The following TNRC6C variants were observed in gnomAD, a reference collection of about 807,000 sequenced individuals.
TNRC6C encodes trinucleotide repeat containing adaptor 6C.
In TNRC6C, 20 loss-of-function variants were observed where a neutral mutation model predicts 153.7. That is an observed-to-expected ratio of 0.13 (90% CI 0.09 to 0.19). The LOEUF (loss-of-function observed/expected upper bound fraction) is 0.19, where lower values mean the gene tolerates loss of function less well. TNRC6C is among the 10% of genes least tolerant of loss of function. The pLI is 1.00. For synonymous variants in TNRC6C, 811 were observed against 841.4 expected (o/e 0.96, Z 0.63); for missense variants, 1,987 against 2,172.0 (o/e 0.91, Z 1.69).
At chr17:77,974,063 GGAGA>G (rs548748635) in intron 1 of TNRC6C, among the ~76,000 whole-genome samples, 4 of 147,458 alleles carry the variant, frequency 2.7e-5, no homozygotes, top group Admixed American at 6.9e-5. Context: ...GGGGGAGGGG[GGAGA>G]GAGAGAGAGA....
exon 20 of TNRC6C, chr17:78,106,523 A>T (rs1438574963): frequency 8.6e-5 from 11 of 127,526 alleles, no homozygotes; most frequent in Admixed American, 2.3e-4. Flanking sequence ...GATGTTATTT[A>T]AAAAAAAAAA....
intron 6 of TNRC6C, among the ~76,000 whole-genome samples, chr17:78,072,618 C>A (rs1386597012): frequency 6.6e-6 from 1 of 152,182 alleles, no homozygotes. Flanking sequence ...CACAGTGGCT[C>A]ACACCTGTAA....
chr17:78,102,623 C>A, intron 18 of TNRC6C, 79 bp downstream of exon 21: 1 of 1,428,236 alleles, frequency 7.0e-7, no homozygotes, highest in South Asian at 1.3e-5. Flanking sequence ...ATGAGGCTGT[C>A]TGGTGGGGCA....
intron 6 of TNRC6C, among the ~76,000 whole-genome samples, 154 bp from the exon 9 acceptor site, chr17:78,072,883 A>G (rs1048786430): frequency 2.0e-5 from 3 of 152,242 alleles, no homozygotes; most frequent in Admixed American, 6.5e-5. Flanking sequence ...TTTTTAATTC[A>G]AAAGACATTG....
intron 4 of TNRC6C, 47 bp downstream of exon 6, chr17:78,064,984 C>T: frequency 6.5e-7 from 1 of 1,532,672 alleles, no homozygotes; most frequent in South Asian, 1.2e-5. Flanking sequence ...TTGGAAATGA[C>T]TCAAAGTATT....
chr17:78,086,342 A>AC (rs1695762437), intron 11 of TNRC6C, among the ~76,000 whole-genome samples, 161 bp from the exon 14 acceptor site: 3 of 117,098 alleles, frequency 2.6e-5, no homozygotes, highest in Non-Finnish European at 5.1e-5. Context: ...AAAAAAAAAA[A>AC]AAAAAAAAAA....
At chr17:77,988,193 A>G (rs1030345975) in intron 1 of TNRC6C, among the ~76,000 whole-genome samples, 1 of 152,124 alleles carries the variant, frequency 6.6e-6, no homozygotes, top group African/African-American at 2.4e-5. Context: ...CTCAAAAAAT[A>G]TGAGACCTTG....
intron 2 of TNRC6C, among the ~76,000 whole-genome samples, chr17:78,043,585 A>G (rs1356266459): frequency 3.9e-5 from 6 of 152,152 alleles, no homozygotes; most frequent in African/African-American, 1.2e-4. Flanking sequence ...TAATCCTATT[A>G]TACTCTTTTA....
In TNRC6C at chr17:78,093,611, C is replaced by A. The variant is rs751824517; in HGVS notation, c.4163-9C>A. The A allele has an allele frequency of 6.2e-7, 1 of 1,613,766 alleles. No homozygotes were observed. Among genetic ancestry groups the A allele is most frequent in the South Asian group, 1.1e-5 (1 of 91,044 alleles). ...GATCTGTGGCTTCTCATTTTGGTTTCTTAAACAGAATTCCATCCGGGAGTT... is the reference window on the plus strand; with the variant it reads ...GATCTGTGGCTTCTCATTTTGGTTTATTAAACAGAATTCCATCCGGGAGTT... On this transcript the variant is annotated splice_polypyrimidine_tract_variant and intron_variant, in intron 15 of 19. Transcript: ENST00000301624.
chr17:78,003,981 C>T (rs770648399), upstream of TNRC6C: 17 of 299,094 alleles, frequency 5.7e-5, no homozygotes, highest in Non-Finnish European at 6.9e-5. Flanking sequence ...ATGAGACAGC[C>T]GGCTACTGAA....
chr17:77,985,808 TTAAC>T (rs2071158343), intron 1 of TNRC6C, among the ~76,000 whole-genome samples: 1 of 152,134 alleles, frequency 6.6e-6, no homozygotes, highest in Non-Finnish European at 1.5e-5. Context: ...TCGTGTTTGA[TTAAC>T]TAGGGGAAGG....
At chr17:78,055,977 C>T (rs1303647878) in intron 3 of TNRC6C, among the ~76,000 whole-genome samples, 1 of 152,134 alleles carries the variant, frequency 6.6e-6, no homozygotes, top group Non-Finnish European at 1.5e-5. Flanking sequence ...AACCACATTG[C>T]ATTTGTTGGG....
chr17:77,984,015 G>A lies in TNRC6C; in HGVS notation c.-37-20155G>A, dbSNP rs573928131. 3.9e-5 allele frequency among the ~76,000 whole-genome samples: 6 copies of A among 152,294 alleles called. No homozygotes were observed. The East Asian group carries it at 1.2e-3, about 29-fold the overall frequency. ...TGTTTTGATACTTCAAATATAGAGG[G>A]TGTGTATGGAAGCCAAGTAGCCAAA... On this transcript the variant is annotated intron_variant, in intron 1 of 22. Coordinates refer to the TNRC6C transcript ENST00000636222.
exon 3 of TNRC6C, chr17:78,050,707 G>A: frequency 6.4e-7 from 1 of 1,574,594 alleles, no homozygotes; most frequent in Non-Finnish European, 8.6e-7. Context: ...TGTTAGTACT[G>A]CTGCTGCTGC....
chr17:77,964,815 G>A (rs1052932155), intron 1 of TNRC6C, among the ~76,000 whole-genome samples: 1 of 152,190 alleles, frequency 6.6e-6, no homozygotes, highest in African/African-American at 2.4e-5. Flanking sequence ...GAAGTGCAGA[G>A]TGAGGGGCCC....
In TNRC6C at chr17:78,104,836, G is replaced by A; in HGVS notation, c.5064G>A (p.Glu1688=). 1.4e-6 allele frequency: 2 copies of A among 1,432,324 alleles called. No individual in the cohort carries two copies. Among genetic ancestry groups the A allele is most frequent in the Non-Finnish European group, 1.8e-6 (2 of 1,095,714 alleles). The allele number at this position is 1,432,324 out of a possible 1,614,324, so 88.7% of individuals were successfully genotyped here. ...TGCCTGGGGACCTGCTCAGCGGGGAGTCCCTGTAGGCTCTGCCATCATCAG... is the reference window on the plus strand; with the variant it reads ...TGCCTGGGGACCTGCTCAGCGGGGAATCCCTGTAGGCTCTGCCATCATCAG... The change falls in exon 20 of 20, where the codon GAG becomes GAA. Residue 1688 remains glutamate, a synonymous_variant. Transcript: ENST00000301624. The surrounding 1 kb of genome is among the most constrained non-coding windows in gnomAD (Gnocchi z 6.2).
At chr17:77,983,042 C>T (rs1204334784) in intron 1 of TNRC6C, among the ~76,000 whole-genome samples, 1 of 152,098 alleles carries the variant, frequency 6.6e-6, no homozygotes, top group Non-Finnish European at 1.5e-5. Flanking sequence ...GATTCAGTGT[C>T]CCTATTTCTT....
chr17:77,977,890 T>C (rs1450252751), intron 1 of TNRC6C, among the ~76,000 whole-genome samples: 5 of 142,360 alleles, frequency 3.5e-5, no homozygotes, highest in African/African-American at 1.1e-4. Context: ...CTTTAAAACC[T>C]CTTTTTTTTT....
At chr17:77,991,935 G>A (rs1001297933) in intron 1 of TNRC6C, among the ~76,000 whole-genome samples, 3 of 152,210 alleles carry the variant, frequency 2.0e-5, no homozygotes, top group African/African-American at 7.2e-5. Context: ...CTTACTGTCT[G>A]TGTCTGTACG....
Sources: gnomAD v4.1 joint callset for allele counts (sites outside exome capture counted in the v4.1 genomes callset) on GRCh38, gnomAD v4.1.1 for gene constraint, Gnocchi (gnomAD v3.1) non-coding constraint, MANE v1.5 for transcripts, NCBI Gene and HGNC (gene_info 2026-07-23, HGNC 2026-07-21) for gene names.